Variants in MTFR1 observed in about 807,000 individuals in gnomAD.
The protein encoded by MTFR1 is chondrocyte protein with a poly-proline region.
Under a neutral mutation model 38.8 loss-of-function variants are expected in MTFR1, and 28 were observed. The observed-to-expected ratio is 0.72, with a 90% CI of 0.53 to 0.99. The LOEUF is 0.99. Ranked by LOEUF, MTFR1 falls within the 50% of genes least tolerant of loss-of-function variation. The pLI is 0.00. For synonymous variants in MTFR1, 145 were observed against 137.0 expected (o/e 1.06, Z -0.41); for missense variants, 358 against 395.5 (o/e 0.91, Z 0.81).
At chr8:65,689,681 T>C in intron 3 of MTFR1, 6 of 961,426 alleles carry the variant, frequency 6.2e-6, no homozygotes, top group Non-Finnish European at 8.3e-6. Flanking sequence ...TTAATGTCAG[T>C]CCTTGCCAGG....
chr8:65,647,997 A>ATTTGTTTG lies in MTFR1; in HGVS notation c.-81+3237_-81+3244dup, dbSNP rs60187254. ...CTATTTTTCCATTGGGCTTTTGATC[A>ATTTGTTTG]TTTGTTTGTTTGTTTGTTTGTTTGT... On this transcript the variant is annotated intron_variant, in intron 1 of 7. Coordinates refer to ENST00000262146, the MANE Select transcript of MTFR1 (RefSeq NM_014637.4). 2.3e-4 allele frequency among the ~76,000 whole-genome samples: 35 copies of ATTTGTTTG among 151,364 alleles called. 1 individual carries two copies. The highest frequency in any genetic ancestry group is 7.3e-4 in the African/African-American group (30 of 41,120).
chr8:65,688,098 T>TAAAAA (rs546722264), intron 3 of MTFR1, among the ~76,000 whole-genome samples: 2,074 of 120,750 alleles, frequency 0.017, 21 homozygotes, highest in African/African-American at 0.026. Flanking sequence ...AGACTCCGTC[T>TAAAAA]AAAAAAAAAA....
chr8:65,645,002 G>C (rs1285222660), intron 1 of MTFR1, among the ~76,000 whole-genome samples: 1 of 152,250 alleles, frequency 6.6e-6, no homozygotes, highest in Non-Finnish European at 1.5e-5. Context: ...TGGGTCGGGG[G>C]CTCCGGAGGA....
At chr8:65,697,608 T>C (rs926767122) in intron 4 of MTFR1, among the ~76,000 whole-genome samples, 5 of 152,172 alleles carry the variant, frequency 3.3e-5, no homozygotes, top group African/African-American at 1.2e-4. Context: ...GGTTTTTGAG[T>C]GACTGACTAT....
chr8:65,766,478 C>T (rs1003023040), intron 3 of MTFR1, among the ~76,000 whole-genome samples: 18 of 152,206 alleles, frequency 1.2e-4, no homozygotes, highest in Non-Finnish European at 8.8e-5. Context: ...AAAGCAGGAA[C>T]TTGAGAAGCC....
At chr8:65,663,822 C>CT (rs1035579864) in intron 1 of MTFR1, among the ~76,000 whole-genome samples, 3,271 of 78,510 alleles carry the variant, frequency 0.042, 156 homozygotes, top group African/African-American at 0.11. Context: ...AATTTCTTTT[C>CT]TTTTTTTTTT....
chr8:65,763,135 A>C (rs1808596156), intron 3 of MTFR1, among the ~76,000 whole-genome samples: 1 of 152,092 alleles, frequency 6.6e-6, no homozygotes, highest in African/African-American at 2.4e-5. Context: ...TGTACAACCA[A>C]TATTCCCTCC....
At chr8:65,658,338 T>C (rs1003629503) in intron 1 of MTFR1, among the ~76,000 whole-genome samples, 3 of 152,218 alleles carry the variant, frequency 2.0e-5, no homozygotes, top group Admixed American at 2.0e-4. Flanking sequence ...AAAACAGATA[T>C]TACATTAGTT....
In MTFR1 at chr8:65,727,973, A is replaced by G. The variant is rs557485825; in HGVS notation, c.*48+8492A>G. On this transcript the variant is annotated intron_variant, in intron 3 of 3. Coordinates refer to the MTFR1 transcript ENST00000521247. The stretch of plus-strand genomic sequence containing the variant: ...ACTTATTTAATAATCACAATAAATA[A>G]AAGTTTATGATTAGCTGACAAATGT... The G allele has an allele frequency of 2.0e-5, 3 of 152,350 alleles. No homozygotes were observed. In the East Asian group the frequency reaches 5.8e-4, roughly 29 times the overall value. 9.4% of individuals were successfully genotyped at this position (152,350 alleles called of 1,614,324 possible). A position where few individuals can be genotyped will look rare whatever the true frequency, so the allele number is the denominator to read the frequency against.
intron 2 of MTFR1, among the ~76,000 whole-genome samples, chr8:65,678,014 C>CAA (rs1328897906): frequency 2.6e-4 from 20 of 78,412 alleles, no homozygotes; most frequent in South Asian, 8.8e-4. Flanking sequence ...GACTCTGTCT[C>CAA]AAAAAAAAAA....
At chr8:65,661,326 C>T (rs145547055) in intron 1 of MTFR1, among the ~76,000 whole-genome samples, 54 of 152,322 alleles carry the variant, frequency 3.5e-4, no homozygotes, top group African/African-American at 1.1e-3. Context: ...GTACTTTCTA[C>T]TCAATTTTGC....
At chr8:65,769,293 T>C (rs1227603303) in intron 3 of MTFR1, among the ~76,000 whole-genome samples, 1 of 151,954 alleles carries the variant, frequency 6.6e-6, no homozygotes, top group Non-Finnish European at 1.5e-5. Context: ...GCACATATTT[T>C]TTTTAAAAAA....
chr8:65,770,507 C>T (rs6472221), intron 3 of MTFR1, among the ~76,000 whole-genome samples: 44,066 of 152,046 alleles, frequency 0.29, 7,002 homozygotes, highest in African/African-American at 0.42. Context: ...TTACCTCCCA[C>T]TGGGCCCCTC....
intron 4 of MTFR1, among the ~76,000 whole-genome samples, chr8:65,704,010 T>C (rs1468198861): frequency 6.6e-6 from 1 of 152,060 alleles, no homozygotes; most frequent in East Asian, 1.9e-4. Context: ...GCCACGGAGT[T>C]ATACCAGCCT....
At chr8:65,663,033 T>TA (rs1290887321) in intron 1 of MTFR1, among the ~76,000 whole-genome samples, 3 of 151,566 alleles carry the variant, frequency 2.0e-5, no homozygotes, top group Non-Finnish European at 4.4e-5. Flanking sequence ...GGAGGTGTAC[T>TA]CAACAGCTCA....
intron 3 of MTFR1, chr8:65,745,541 G>A: frequency 1.2e-6 from 1 of 839,010 alleles, no homozygotes; most frequent in East Asian, 2.5e-5. Flanking sequence ...ATATTCCATA[G>A]AGAAGTTAAA....
At chr8:65,660,019 G>A (rs1233807994) in intron 1 of MTFR1, among the ~76,000 whole-genome samples, 1 of 152,066 alleles carries the variant, frequency 6.6e-6, no homozygotes, top group East Asian at 1.9e-4. Context: ...GCCGGGCATC[G>A]TGGCTCACGC....
rs537980138 is a variant in MTFR1 at position 65,645,072 on chromosome 8, C to G, written c.-81+288C>G. On this transcript the variant is annotated intron_variant, in intron 1 of 7. Transcript: ENST00000262146. ...GAGACTCGCCCACCCGCCAATCTAC[C>G]CCTACACCTCCTGCCCCCTCCCCCG... Among the ~76,000 whole-genome samples, 15 of 152,322 alleles carry G rather than the reference C, an allele frequency of 9.8e-5. No homozygotes were observed. In the East Asian group the frequency reaches 2.9e-3, roughly 29 times the overall value.
In MTFR1 at chr8:65,709,923, T is replaced by A. The variant is rs1805896754; in HGVS notation, c.*879T>A. 6.6e-6 allele frequency: 1 copy of A among 152,646 alleles called. No individual in the cohort carries two copies. The highest frequency in any genetic ancestry group is 2.1e-4 in the South Asian group (1 of 4,828). The allele number at this position is 152,646 out of a possible 1,614,324, so 9.5% of individuals were successfully genotyped here. A position where few individuals can be genotyped will look rare whatever the true frequency, so the allele number is the denominator to read the frequency against. On this transcript the variant is annotated 3_prime_UTR_variant, in exon 8 of 8. Coordinates refer to ENST00000262146, the MANE Select transcript of MTFR1 (RefSeq NM_014637.4). The stretch of plus-strand genomic sequence containing the variant: ...TTTAATATAAGCCAAAATATTAACT[T>A]TAATGAAACATTGACTTGGCAAATG...
Sources: gnomAD v4.1 joint callset for allele counts (sites outside exome capture counted in the v4.1 genomes callset) on GRCh38, gnomAD v4.1.1 for gene constraint, MANE v1.5 for transcripts, NCBI Gene and HGNC (gene_info 2026-07-23, HGNC 2026-07-21) for gene names.